The following APELA variants were observed in gnomAD, a reference collection of about 807,000 sequenced individuals.
APELA encodes protein Elabela.
chr4:164,882,269 A>G (rs1332967107), intron 2 of APELA, among the ~76,000 whole-genome samples: 4 of 151,640 alleles, frequency 2.6e-5, no homozygotes, highest in Non-Finnish European at 4.4e-5. Context: ...ATACTCGGCT[A>G]ATTTTGTATT....
intron 2 of APELA, among the ~76,000 whole-genome samples, chr4:164,886,151 A>ACTTAAGGTACAAACCTTT (rs141930150): frequency 0.092 from 13,934 of 152,076 alleles, 712 homozygotes; most frequent in Middle Eastern, 0.14. Context: ...TAGCCCCTAA[A>ACTTAAGGTACAAACCTTT]GCTTAATGTG....
At chr4:164,878,297 GT>G (rs2111047036) in intron 1 of APELA, among the ~76,000 whole-genome samples, 1 of 152,122 alleles carries the variant, frequency 6.6e-6, no homozygotes, top group African/African-American at 2.4e-5. Flanking sequence ...ATCCAAATAT[GT>G]TAAATTATTC....
chr4:164,898,395 G>C (rs576958438), downstream of APELA, among the ~76,000 whole-genome samples: 1 of 151,344 alleles, frequency 6.6e-6, no homozygotes, highest in Non-Finnish European at 1.5e-5. Context: ...CCAGCTACTC[G>C]GGAGGCTGAG....
At chr4:164,889,757 G>A (rs572671105) in intron 2 of APELA, among the ~76,000 whole-genome samples, 146 of 152,156 alleles carry the variant, frequency 9.6e-4, no homozygotes, top group Non-Finnish European at 1.9e-3. Context: ...ATGGCAGATT[G>A]AAAATATTCA....
chr4:164,880,193 G>A (rs188380077), intron 2 of APELA, among the ~76,000 whole-genome samples: 118 of 152,276 alleles, frequency 7.7e-4, no homozygotes, highest in African/African-American at 2.5e-3. Context: ...TAGCTTTTAC[G>A]GTTCCATTCA....
chr4:164,892,527 GC>G (rs1263381007), intron 2 of APELA, among the ~76,000 whole-genome samples: 1 of 152,108 alleles, frequency 6.6e-6, no homozygotes, highest in Non-Finnish European at 1.5e-5. Flanking sequence ...AATTTAGATT[GC>G]TAGTATTTTG....
At chr4:164,881,053 A>G (rs1172132117) in intron 2 of APELA, among the ~76,000 whole-genome samples, 1 of 152,178 alleles carries the variant, frequency 6.6e-6, no homozygotes, top group Non-Finnish European at 1.5e-5. Context: ...AACATTAGAA[A>G]ATTTTTCAAG....
At chr4:164,898,691 C>T (rs903317276), downstream of APELA, 3 of 152,048 alleles carry the variant, frequency 2.0e-5, no homozygotes, top group Non-Finnish European at 4.4e-5. Flanking sequence ...ATTGTAAAGG[C>T]TGATCCCTTC....
chr4:164,892,152 AT>A (rs1265456482), intron 2 of APELA, among the ~76,000 whole-genome samples: 1 of 151,980 alleles, frequency 6.6e-6, no homozygotes, highest in Non-Finnish European at 1.5e-5. Flanking sequence ...CTCTGCAAAA[AT>A]TACAAATAAT....
intron 2 of APELA, among the ~76,000 whole-genome samples, chr4:164,887,046 T>C (rs552825231): frequency 1.3e-5 from 2 of 152,270 alleles, no homozygotes; most frequent in Non-Finnish European, 2.9e-5. Flanking sequence ...CAAGCGGGTC[T>C]CAAACTCTTG....
intron 2 of APELA, among the ~76,000 whole-genome samples, chr4:164,894,142 G>A (rs1730929560): frequency 6.6e-6 from 1 of 152,072 alleles, no homozygotes; most frequent in African/African-American, 2.4e-5. Flanking sequence ...GGCCAACATG[G>A]CAAAACCCTG....
At position 164,892,300 on chromosome 4, in the gene APELA, A is replaced by G. The variant is rs576892619; in HGVS notation, c.*2-3116A>G. On this transcript the variant is annotated intron_variant, in intron 2 of 2. Transcript: ENST00000507152. ...CAAACCACTGCATTCTAGCCTGAGC[A>G]ATGGAGTGTGACCCTGTCTCAAAAG... Among the ~76,000 whole-genome samples, 106 of 152,258 alleles carry G rather than the reference A, an allele frequency of 7.0e-4. 1 individual carries two copies. The highest frequency in any genetic ancestry group is 2.3e-3 in the African/African-American group (95 of 41,542).
In APELA at chr4:164,891,562, G is replaced by A. The variant is rs949276935; in HGVS notation, c.*2-3854G>A. Among the ~76,000 whole-genome samples, 10 of 151,948 alleles carry A rather than the reference G, an allele frequency of 6.6e-5. 1 individual carries two copies. The highest frequency in any genetic ancestry group is 3.9e-4 in the Admixed American group (6 of 15,252). On this transcript the variant is annotated intron_variant, in intron 2 of 2. Transcript: ENST00000507152. ...TTATTCTTTTGATGCTATTGCAAACGGAATTTTCTTAATTTCATTTTTGAA... is the reference window on the plus strand; with the variant it reads ...TTATTCTTTTGATGCTATTGCAAACAGAATTTTCTTAATTTCATTTTTGAA...
chr4:164,890,150 T>C (rs1730852307), intron 2 of APELA, among the ~76,000 whole-genome samples: 1 of 152,222 alleles, frequency 6.6e-6, no homozygotes, highest in African/African-American at 2.4e-5. Context: ...CTGCAGTGAA[T>C]GGCATGCATA....
chr4:164,882,246 G>T (rs1297304587), intron 2 of APELA, among the ~76,000 whole-genome samples: 1 of 152,016 alleles, frequency 6.6e-6, no homozygotes, highest in African/African-American at 2.4e-5. Context: ...TGGGATTACA[G>T]GCATGCACCA....
chr4:164,884,144 A>G, intron 2 of APELA, among the ~76,000 whole-genome samples: 1 of 148,986 alleles, frequency 6.7e-6, no homozygotes. Context: ...AGAAAGAAAG[A>G]AAGAAAGAAA....
rs774464898 is a variant in APELA at position 164,896,829 on chromosome 4, C to T, written c.*1415C>T. The T allele has an allele frequency of 5.9e-5, 9 of 151,924 alleles. No homozygotes were observed. The highest frequency in any genetic ancestry group is 9.7e-5 in the African/African-American group (4 of 41,350). 9.4% of individuals were successfully genotyped at this position (151,924 alleles called of 1,614,324 possible). ...TAAGATGAGATCTGGCTCTATCACCCAGGCTAAAGTGCAGTGGCATGATCT... is the reference window on the plus strand; with the variant it reads ...TAAGATGAGATCTGGCTCTATCACCTAGGCTAAAGTGCAGTGGCATGATCT... On this transcript the variant is annotated 3_prime_UTR_variant, in exon 3 of 3. Coordinates refer to ENST00000507152, the MANE Select transcript of APELA (RefSeq NM_001297550.2).
At chr4:164,885,718 G>A (rs950173999) in intron 2 of APELA, among the ~76,000 whole-genome samples, 1 of 151,818 alleles carries the variant, frequency 6.6e-6, no homozygotes, top group Admixed American at 6.6e-5. Context: ...TCCAGCCTGG[G>A]TGACAGAGTG....
chr4:164,884,121 G>GAGAGAGAAAGAAAGAAAGAA (rs1553971119), intron 2 of APELA, among the ~76,000 whole-genome samples: 1 of 113,290 alleles, frequency 8.8e-6, no homozygotes, highest in African/African-American at 3.7e-5. Flanking sequence ...AAGAAAGAAA[G>GAGAGAGAAAGAAAGAAAGAA]AGAAAGAAAG....
Sources: allele counts gnomAD v4.1 joint callset (sites outside exome capture counted in the v4.1 genomes callset), GRCh38; gene constraint gnomAD v4.1.1; transcripts MANE v1.5; gene names NCBI Gene and HGNC (gene_info 2026-07-23, HGNC 2026-07-21).